Variants in MACROD2 observed in about 807,000 individuals in gnomAD.
MACROD2 encodes ADP-ribose glycohydrolase MACROD2.
Under a neutral mutation model 70.4 loss-of-function variants are expected in MACROD2, and 36 were observed. The observed-to-expected ratio is 0.51, with a 90% CI of 0.39 to 0.68. MACROD2 has a LOEUF of 0.68. Among genes scored for constraint, MACROD2 ranks in the 30% least tolerant of loss-of-function variants. The pLI, the probability that MACROD2 is intolerant of heterozygous loss-of-function variation, is 0.00. For synonymous variants in MACROD2, 172 were observed against 178.8 expected (o/e 0.96, Z 0.30); for missense variants, 496 against 538.4 (o/e 0.92, Z 0.78).
intron 3 of MACROD2, among the ~76,000 whole-genome samples, chr20:14,088,064 C>T (rs962587746): frequency 4.6e-5 from 7 of 152,062 alleles, no homozygotes; most frequent in Admixed American, 1.3e-4. Flanking sequence ...GGCGCATTGG[C>T]TCATGCCTGT....
intron 3 of MACROD2, among the ~76,000 whole-genome samples, chr20:14,309,902 G>T (rs1003726649): frequency 6.6e-6 from 1 of 152,120 alleles, no homozygotes; most frequent in Non-Finnish European, 1.5e-5. Flanking sequence ...CTATTTTTAT[G>T]TTATTGTGCT....
chr20:15,394,225 G>GA (rs1460607499), intron 6 of MACROD2, among the ~76,000 whole-genome samples: 4 of 152,106 alleles, frequency 2.6e-5, no homozygotes, highest in Non-Finnish European at 5.9e-5. Flanking sequence ...AATTATTTAT[G>GA]AAAAAACATT....
At chr20:14,900,789 T>G (rs1663313570) in intron 5 of MACROD2, among the ~76,000 whole-genome samples, 1 of 152,020 alleles carries the variant, frequency 6.6e-6, no homozygotes, top group Non-Finnish European at 1.5e-5. Flanking sequence ...TGTTATTCTA[T>G]TCTCTATTTC....
At chr20:15,237,363 A>G (rs2077022681) in intron 6 of MACROD2, among the ~76,000 whole-genome samples, 1 of 152,154 alleles carries the variant, frequency 6.6e-6, no homozygotes, top group African/African-American at 2.4e-5. Flanking sequence ...TTTTTTTTGT[A>G]GTGATTCTAC....
At chr20:15,495,549 C>T (rs1871454434) in intron 7 of MACROD2, among the ~76,000 whole-genome samples, 1 of 152,162 alleles carries the variant, frequency 6.6e-6, no homozygotes, top group Non-Finnish European at 1.5e-5. Context: ...AGGCTAAACA[C>T]CCCTGTGCTC....
At chr20:15,801,487 A>AC (rs971375394) in intron 8 of MACROD2, among the ~76,000 whole-genome samples, 1 of 151,916 alleles carries the variant, frequency 6.6e-6, no homozygotes, top group Non-Finnish European at 1.5e-5. Flanking sequence ...AACATGAAAA[A>AC]AAAAAAAGAA....
At chr20:14,733,333 T>C (rs1037536303) in intron 5 of MACROD2, among the ~76,000 whole-genome samples, 1 of 152,176 alleles carries the variant, frequency 6.6e-6, no homozygotes, top group Non-Finnish European at 1.5e-5. Context: ...GATACTTTGA[T>C]TGGTGATAGT....
At chr20:15,436,390 C>T (rs6074892) in intron 7 of MACROD2, among the ~76,000 whole-genome samples, 3 of 151,516 alleles carry the variant, frequency 2.0e-5, no homozygotes, top group Non-Finnish European at 4.4e-5. Context: ...ACCATCACAT[C>T]TCATGAGACC....
intron 13 of MACROD2, among the ~76,000 whole-genome samples, chr20:15,975,113 CAAAAG>C (rs1314773514): frequency 6.6e-6 from 1 of 151,948 alleles, no homozygotes; most frequent in Non-Finnish European, 1.5e-5. Context: ...TTATAATTCA[CAAAAG>C]AAGATATACA....
chr20:14,862,632 T>TATAAATATAA lies in MACROD2; in HGVS notation c.418+177676_418+177677insAATATAAATA, dbSNP rs1555840092. On this transcript the variant is annotated intron_variant, in intron 5 of 17. Coordinates refer to ENST00000684519, the MANE Select transcript of MACROD2 (RefSeq NM_001351661.2). ...ATATATATAAATATATATATATAAA[T>TATAAATATAA]ATATATATAAATATATATATATAAA... Among the ~76,000 whole-genome samples the TATAAATATAA allele has an allele frequency of 6.9e-4, 5 of 7,272 alleles. 1 individual carries two copies. Among genetic ancestry groups the TATAAATATAA allele is most frequent in the East Asian group, 0.011 (2 of 178 alleles). 4.8% of individuals were successfully genotyped at this position (7,272 alleles called of 152,430 possible).
At chr20:14,096,824 C>T (rs1034489542) in intron 3 of MACROD2, among the ~76,000 whole-genome samples, 2 of 152,178 alleles carry the variant, frequency 1.3e-5, no homozygotes, top group Non-Finnish European at 2.9e-5. Context: ...ATCTACTAAT[C>T]TTTGGCCTCC....
intron 5 of MACROD2, among the ~76,000 whole-genome samples, chr20:14,751,041 A>T (rs2071863096): frequency 6.6e-6 from 1 of 152,146 alleles, no homozygotes; most frequent in Non-Finnish European, 1.5e-5. Flanking sequence ...TAGATCTTAT[A>T]TCGCTTATAT....
At chr20:14,416,972 C>A (rs2083812181) in intron 3 of MACROD2, among the ~76,000 whole-genome samples, 1 of 152,092 alleles carries the variant, frequency 6.6e-6, no homozygotes, top group Non-Finnish European at 1.5e-5. Context: ...CTTTTAGCAA[C>A]CTGAACTTTA....
intron 13 of MACROD2, among the ~76,000 whole-genome samples, chr20:15,986,147 G>A (rs2066479672): frequency 6.6e-6 from 1 of 152,230 alleles, no homozygotes; most frequent in Admixed American, 6.5e-5. Flanking sequence ...GCTGGTGCCG[G>A]GCTGCCTGTC....
At chr20:15,440,438 G>T (rs1341926557) in intron 7 of MACROD2, among the ~76,000 whole-genome samples, 1 of 152,164 alleles carries the variant, frequency 6.6e-6, no homozygotes, top group East Asian at 1.9e-4. Context: ...ATGCTGGCAG[G>T]CTGCAACTTT....
intron 5 of MACROD2, among the ~76,000 whole-genome samples, chr20:14,882,588 C>T (rs1347880621): frequency 6.6e-6 from 1 of 152,172 alleles, no homozygotes; most frequent in Non-Finnish European, 1.5e-5. Flanking sequence ...CTTCTCTTTG[C>T]TCCTTCCAAT....
chr20:14,784,162 C>T (rs1202605773), intron 5 of MACROD2, among the ~76,000 whole-genome samples: 1 of 152,090 alleles, frequency 6.6e-6, no homozygotes, highest in East Asian at 1.9e-4. Context: ...CTCGCTCCTA[C>T]AGTCAATCAC....
At chr20:14,246,490 A>C (rs2122252095) in intron 3 of MACROD2, among the ~76,000 whole-genome samples, 1 of 152,274 alleles carries the variant, frequency 6.6e-6, no homozygotes, top group South Asian at 2.1e-4. Flanking sequence ...CATTGTGTGA[A>C]GCTTTTCCTA....
At chr20:15,939,551 A>T (rs1030950021) in intron 12 of MACROD2, among the ~76,000 whole-genome samples, 3 of 151,976 alleles carry the variant, frequency 2.0e-5, no homozygotes, top group African/African-American at 7.2e-5. Flanking sequence ...CTGCATATTG[A>T]CAATGCACCT....
Sources: gnomAD v4.1 joint callset for allele counts (sites outside exome capture counted in the v4.1 genomes callset) on GRCh38, gnomAD v4.1.1 for gene constraint, MANE v1.5 for transcripts, NCBI Gene and HGNC (gene_info 2026-07-23, HGNC 2026-07-21) for gene names.